The following IKZF3 variants were observed in gnomAD, a reference collection of about 807,000 sequenced individuals.
IKZF3 encodes the protein IKAROS family zinc finger 3.
Under a neutral mutation model 49.0 loss-of-function variants are expected in IKZF3, and 10 were observed. That is an observed-to-expected ratio of 0.20 (90% CI 0.13 to 0.35). The LOEUF is 0.35. Among genes scored for constraint, IKZF3 ranks in the 10% least tolerant of loss-of-function variants. The probability of loss-of-function intolerance (pLI) is 1.00; values close to 1 mark genes in which losing one functional copy is unlikely to be tolerated. For synonymous variants in IKZF3, 209 were observed against 228.2 expected, an observed-to-expected ratio of 0.92 and a Z score of 0.76; for missense variants, 498 against 664.8, an observed-to-expected ratio of 0.75 and a Z score of 2.76.
In IKZF3 at chr17:39,777,775, G is replaced by C. The variant is rs748824776; in HGVS notation, c.710-8C>G. 6.2e-7 allele frequency: 1 copy of C among 1,606,440 alleles called. No homozygotes were observed. Among genetic ancestry groups the C allele is most frequent in the Non-Finnish European group, 8.5e-7 (1 of 1,177,096 alleles). Reference sequence around the variant, plus strand: ...GTCTTGCCTCCGCACTTGCTAGTTTGGAAAAATGTAAAAAGAAGAGAGAAA... The same window carrying C: ...GTCTTGCCTCCGCACTTGCTAGTTTCGAAAAATGTAAAAAGAAGAGAGAAA... On this transcript the variant is annotated splice_polypyrimidine_tract_variant and splice_region_variant and intron_variant, in intron 6 of 7. Coordinates refer to ENST00000346872, the MANE Select transcript of IKZF3 (RefSeq NM_012481.5).
At chr17:39,850,907 GTATATTATATATACA>G (rs1416100894) in intron 1 of IKZF3, among the ~76,000 whole-genome samples, 2 of 111,180 alleles carry the variant, frequency 1.8e-5, no homozygotes, top group East Asian at 2.4e-4. Flanking sequence ...TATTATATAC[GTATATTATATATACA>G]TATATTATAT....
chr17:39,812,273 C>T (rs976536098), intron 3 of IKZF3, among the ~76,000 whole-genome samples: 14 of 152,092 alleles, frequency 9.2e-5, no homozygotes, highest in African/African-American at 3.4e-4. Context: ...CAAACTACAA[C>T]ACAAAAACAA....
intron 1 of IKZF3, among the ~76,000 whole-genome samples, chr17:39,861,027 T>C (rs1048853429): frequency 2.0e-5 from 3 of 152,120 alleles, no homozygotes; most frequent in Non-Finnish European, 2.9e-5. Context: ...ACTTTAAAAA[T>C]TTATTTAAAT....
chr17:39,805,396 AG>A (rs1448271800), intron 3 of IKZF3, among the ~76,000 whole-genome samples: 7 of 152,228 alleles, frequency 4.6e-5, no homozygotes, highest in Admixed American at 2.0e-4. Context: ...TTCTAACTCA[AG>A]GTATAACAAT....
At chr17:39,814,768 A>G (rs2061640317) in intron 3 of IKZF3, among the ~76,000 whole-genome samples, 1 of 152,172 alleles carries the variant, frequency 6.6e-6, no homozygotes, top group Non-Finnish European at 1.5e-5. Flanking sequence ...GGCCCTTCCC[A>G]TGGTCCTGCT....
At chr17:39,844,399 T>C (rs1393618856) in intron 1 of IKZF3, among the ~76,000 whole-genome samples, 1 of 152,164 alleles carries the variant, frequency 6.6e-6, no homozygotes, top group African/African-American at 2.4e-5. Context: ...GCCTTTGCAT[T>C]TACCCTTCCC....
At chr17:39,858,534 G>C (rs2063130886) in intron 1 of IKZF3, among the ~76,000 whole-genome samples, 2 of 152,034 alleles carry the variant, frequency 1.3e-5, no homozygotes, top group South Asian at 4.2e-4. Flanking sequence ...GTTTTGAGAT[G>C]GGGTCTCACA....
intron 1 of IKZF3, among the ~76,000 whole-genome samples, chr17:39,852,940 C>T (rs764049191): frequency 6.6e-5 from 10 of 152,134 alleles, no homozygotes; most frequent in Non-Finnish European, 1.2e-4. Context: ...CACTGCACTC[C>T]AGCCTGGGTG....
At chr17:39,805,673 A>C (rs2061417392) in intron 3 of IKZF3, among the ~76,000 whole-genome samples, 1 of 152,236 alleles carries the variant, frequency 6.6e-6, no homozygotes, top group South Asian at 2.1e-4. Context: ...TACAACATTA[A>C]AAGCACACAA....
At chr17:39,851,869 C>T (rs1177409349) in intron 1 of IKZF3, among the ~76,000 whole-genome samples, 1 of 152,050 alleles carries the variant, frequency 6.6e-6, no homozygotes, top group African/African-American at 2.4e-5. Context: ...CTAAGAAATG[C>T]AATTATAACA....
chr17:39,759,402 A>G lies in IKZF3; in HGVS notation c.*6388T>C, dbSNP rs2060130032. 6.6e-6 allele frequency: 1 copy of G among 152,084 alleles called. No homozygotes were observed. Among genetic ancestry groups the G allele is most frequent in the Non-Finnish European group, 1.5e-5 (1 of 68,022 alleles). The allele number at this position is 152,084 out of a possible 1,614,324, so 9.4% of individuals were successfully genotyped here. A position where few individuals can be genotyped will look rare whatever the true frequency, so the allele number is the denominator to read the frequency against. On this transcript the variant is annotated 3_prime_UTR_variant, in exon 8 of 8. Transcript: ENST00000346872. Reference sequence around the variant, plus strand: ...TTGTGCCACTGCACTCAGCCTGGGGAAACAGAGCGAGACTTTGTCTCAAAA... The same window carrying G: ...TTGTGCCACTGCACTCAGCCTGGGGGAACAGAGCGAGACTTTGTCTCAAAA...
chr17:39,806,135 T>A (rs2061427170), intron 3 of IKZF3, among the ~76,000 whole-genome samples: 1 of 152,224 alleles, frequency 6.6e-6, no homozygotes, highest in African/African-American at 2.4e-5. Context: ...GTAATTTGAC[T>A]TCCGTGAATT....
At chr17:39,778,536 C>T (rs1231158078) in intron 6 of IKZF3, among the ~76,000 whole-genome samples, 1 of 152,208 alleles carries the variant, frequency 6.6e-6, no homozygotes, top group Non-Finnish European at 1.5e-5. Flanking sequence ...GGTGCGGTGG[C>T]TCATGCCTGT....
chr17:39,774,008 A>T (rs2060511648), intron 7 of IKZF3, among the ~76,000 whole-genome samples: 2 of 152,108 alleles, frequency 1.3e-5, no homozygotes, highest in Non-Finnish European at 2.9e-5. Flanking sequence ...AGAAAAAAAA[A>T]TATTTTTCTC....
chr17:39,861,580 G>T (rs934741100), intron 1 of IKZF3, among the ~76,000 whole-genome samples: 1 of 152,060 alleles, frequency 6.6e-6, no homozygotes, highest in Non-Finnish European at 1.5e-5. Flanking sequence ...TCCTCCATAC[G>T]CTCACAATGG....
chr17:39,791,785 GCT>G (rs1337434335), intron 4 of IKZF3, among the ~76,000 whole-genome samples: 1 of 151,826 alleles, frequency 6.6e-6, no homozygotes. Context: ...CACTAGCAAG[GCT>G]ATTTTAGGTA....
chr17:39,814,735 A>G (rs893533369), intron 3 of IKZF3, among the ~76,000 whole-genome samples: 6 of 152,156 alleles, frequency 3.9e-5, no homozygotes, highest in African/African-American at 1.4e-4. Flanking sequence ...AGCCAGAAAG[A>G]GGCAAAAAAG....
At chr17:39,835,793 C>A (rs1322465824) in intron 1 of IKZF3, 6 of 514,330 alleles carry the variant, frequency 1.2e-5, no homozygotes, top group Non-Finnish European at 2.3e-5. Flanking sequence ...CCACCCTATT[C>A]ATGTATGCCT....
At chr17:39,857,661 C>T (rs2063100322) in intron 1 of IKZF3, among the ~76,000 whole-genome samples, 1 of 152,112 alleles carries the variant, frequency 6.6e-6, no homozygotes, top group Non-Finnish European at 1.5e-5. Context: ...CAAAATTTAC[C>T]AATTTCAATG....
Sources: gnomAD v4.1 joint callset for allele counts (sites outside exome capture counted in the v4.1 genomes callset) on GRCh38, gnomAD v4.1.1 for gene constraint, MANE v1.5 for transcripts, NCBI Gene and HGNC (gene_info 2026-07-23, HGNC 2026-07-21) for gene names.